The following DPP10 variants were observed in gnomAD, a reference collection of about 807,000 sequenced individuals.
DPP10 encodes the protein inactive dipeptidyl peptidase 10.
In DPP10, 33 loss-of-function variants were observed where a neutral mutation model predicts 120.9. The observed-to-expected ratio is 0.27, with a 90% CI of 0.21 to 0.37. The LOEUF (loss-of-function observed/expected upper bound fraction) is 0.37. Among genes scored for constraint, DPP10 ranks in the 10% least tolerant of loss-of-function variants. The pLI, the probability that DPP10 is intolerant of heterozygous loss-of-function variation, is 1.00. For synonymous variants in DPP10, 337 were observed against 326.1 expected, an observed-to-expected ratio of 1.03 and a Z score of -0.36; for missense variants, 816 against 942.8, an observed-to-expected ratio of 0.87 and a Z score of 1.76.
intron 1 of DPP10, among the ~76,000 whole-genome samples, chr2:115,125,040 A>G (rs1160771984): frequency 1.3e-5 from 2 of 152,190 alleles, no homozygotes; most frequent in Admixed American, 6.5e-5. Flanking sequence ...TCCTCCAGTC[A>G]TAAGTTCTTT....
At chr2:114,963,340 CA>C (rs1171275448) in intron 1 of DPP10, among the ~76,000 whole-genome samples, 1 of 152,044 alleles carries the variant, frequency 6.6e-6, no homozygotes, top group African/African-American at 2.4e-5. Flanking sequence ...TCAAAGTAAA[CA>C]CAATTCATTT....
chr2:115,746,207 T>C lies in DPP10; in HGVS notation c.950+24T>C, dbSNP rs147855841. On this transcript the variant is annotated intron_variant, in intron 10 of 25. Transcript: ENST00000410059. Reference sequence around the variant, plus strand: ...AGGTATGCAATTTCAATTTCACTTTTATGGGGAAATAGATATTTTCACTCC... The same window carrying C: ...AGGTATGCAATTTCAATTTCACTTTCATGGGGAAATAGATATTTTCACTCC... 1.7e-4 allele frequency: 269 copies of C among 1,542,710 alleles called. 1 individual carries two copies. In the African/African-American group the frequency reaches 3.1e-3, roughly 18 times the overall value.
intron 1 of DPP10, among the ~76,000 whole-genome samples, chr2:114,792,100 TGA>T (rs1315387716): frequency 6.6e-6 from 1 of 152,200 alleles, no homozygotes; most frequent in Non-Finnish European, 1.5e-5. Flanking sequence ...TATTGCGAAT[TGA>T]GATTTATCTT....
chr2:114,496,321 C>T (rs570619677), intron 1 of DPP10, among the ~76,000 whole-genome samples: 26 of 152,216 alleles, frequency 1.7e-4, no homozygotes, highest in African/African-American at 5.5e-4. Context: ...GAATTGGGGC[C>T]TACACCTCTA....
At chr2:114,987,513 C>T (rs1038360348) in intron 1 of DPP10, among the ~76,000 whole-genome samples, 2 of 151,980 alleles carry the variant, frequency 1.3e-5, no homozygotes, top group Admixed American at 1.3e-4. Flanking sequence ...TCTTTCCTTC[C>T]TTGCTTCTTT....
At chr2:114,784,408 A>T (rs896364155) in intron 1 of DPP10, among the ~76,000 whole-genome samples, 2 of 152,108 alleles carry the variant, frequency 1.3e-5, no homozygotes, top group Admixed American at 1.3e-4. Flanking sequence ...AGGTTTAAAA[A>T]CCTGCCTTCT....
chr2:114,477,709 GTATA>G (rs567750292), intron 1 of DPP10, among the ~76,000 whole-genome samples: 1 of 110,276 alleles, frequency 9.1e-6, no homozygotes, highest in African/African-American at 2.7e-5. Context: ...ATGTGTGTGT[GTATA>G]TATATATATA....
chr2:115,295,178 A>G (rs1194439356), intron 1 of DPP10, among the ~76,000 whole-genome samples: 1 of 152,048 alleles, frequency 6.6e-6, no homozygotes. Flanking sequence ...AGGGGGAAGA[A>G]AAGGCTGTCT....
intron 1 of DPP10, among the ~76,000 whole-genome samples, chr2:115,040,678 C>G (rs984265782): frequency 1.3e-5 from 2 of 151,892 alleles, no homozygotes; most frequent in Non-Finnish European, 2.9e-5. Context: ...GTGGATTTCC[C>G]CCTCAGTGTT....
chr2:114,591,238 A>G (rs1050928999), intron 1 of DPP10, among the ~76,000 whole-genome samples: 5 of 152,228 alleles, frequency 3.3e-5, no homozygotes, highest in African/African-American at 1.2e-4. Context: ...TGAGACTTTC[A>G]TCTTGTTTGA....
At chr2:115,102,807 C>A (rs2048758866) in intron 1 of DPP10, among the ~76,000 whole-genome samples, 1 of 152,024 alleles carries the variant, frequency 6.6e-6, no homozygotes, top group African/African-American at 2.4e-5. Context: ...CACCATTTCT[C>A]CACATCCTGT....
At chr2:115,808,931 T>G (rs1238652821) in intron 19 of DPP10, among the ~76,000 whole-genome samples, 2 of 152,164 alleles carry the variant, frequency 1.3e-5, no homozygotes, top group African/African-American at 4.8e-5. Flanking sequence ...ATGAACAACC[T>G]TGATCGAATC....
chr2:115,119,409 C>T (rs1257094301), intron 1 of DPP10, among the ~76,000 whole-genome samples: 2 of 152,158 alleles, frequency 1.3e-5, no homozygotes, highest in African/African-American at 4.8e-5. Flanking sequence ...TTTAGCAAGA[C>T]AGATTAACAA....
chr2:114,888,142 C>CAAA (rs1231068172), intron 1 of DPP10, among the ~76,000 whole-genome samples: 1 of 66,378 alleles, frequency 1.5e-5, no homozygotes, highest in Non-Finnish European at 3.3e-5. Context: ...GCCTCCGTCT[C>CAAA]AAAAAAAAAA....
chr2:115,460,463 A>G (rs1207195496), intron 3 of DPP10, among the ~76,000 whole-genome samples: 1 of 152,146 alleles, frequency 6.6e-6, no homozygotes, highest in Non-Finnish European at 1.5e-5. Context: ...TTAGATCTAG[A>G]CTTAAGTGTT....
chr2:115,238,742 C>T (rs1413555754), intron 1 of DPP10, among the ~76,000 whole-genome samples: 1 of 152,002 alleles, frequency 6.6e-6, no homozygotes, highest in Admixed American at 6.6e-5. Flanking sequence ...GAAATGACAG[C>T]AAAGGATTTA....
chr2:115,730,914 A>G (rs565400491), intron 8 of DPP10, among the ~76,000 whole-genome samples: 1 of 152,290 alleles, frequency 6.6e-6, no homozygotes, highest in African/African-American at 2.4e-5. Flanking sequence ...ATGTTTGTGC[A>G]TCTAATCATT....
In DPP10 at chr2:115,184,301, T is replaced by A. The variant is rs2054282131; in HGVS notation, c.61-124938T>A. ...CTATAATTTGTCAAGTGGAATTCTT[T>A]TGCTGCCTGATGAAGATGATTTGTG... On this transcript the variant is annotated intron_variant, in intron 1 of 25. Transcript: ENST00000410059. Among the ~76,000 whole-genome samples, 7 of 152,356 alleles carry A rather than the reference T, an allele frequency of 4.6e-5. No homozygotes were observed. In the South Asian group the frequency reaches 1.5e-3, roughly 32 times the overall value.
At position 115,780,899 on chromosome 2, in the gene DPP10, C is replaced by T. The variant is rs139445738; in HGVS notation, c.1387C>T (p.Arg463Cys). 2.2e-5 allele frequency: 36 copies of T among 1,602,494 alleles called. No individual in the cohort carries two copies. Among genetic ancestry groups the T allele is most frequent in the Non-Finnish European group, 2.9e-5 (34 of 1,172,894 alleles). The part of the protein sequence containing the change: ...YSASTEGLLN[R>C]QCISCNFMKE... ...TGCTTCTACTGAAGGATTATTGAAT[C>T]GCCAATGCATTTCATGTAATTTCAT... The change falls in exon 16 of 26, where the codon CGC (arginine) becomes TGC (cysteine). Residue 463 changes from arginine (R) to cysteine (C), a missense_variant. Arg to Cys is a radical substitution (Grantham distance 180, BLOSUM62 -3). Coordinates refer to ENST00000410059, the MANE Select transcript of DPP10 (RefSeq NM_020868.6).
Sources: gnomAD v4.1 joint callset for allele counts (sites outside exome capture counted in the v4.1 genomes callset) on GRCh38, gnomAD v4.1.1 for gene constraint, MANE v1.5 for transcripts, NCBI Gene and HGNC (gene_info 2026-07-23, HGNC 2026-07-21) for gene names.